The following MARCHF1 variants were observed in gnomAD, a reference collection of about 807,000 sequenced individuals.
MARCHF1 encodes membrane associated ring-CH-type finger 1.
A neutral mutation model predicts 54.2 loss-of-function variants in MARCHF1; 40 were observed. The observed-to-expected ratio is 0.74, with a 90% CI of 0.57 to 0.96. MARCHF1 has a LOEUF of 0.96. MARCHF1 is among the 40% of genes least tolerant of loss of function. The pLI is 0.00. For missense variants in MARCHF1, 586 were observed against 656.5 expected, an observed-to-expected ratio of 0.89 and a Z score of 1.17; for synonymous variants, 236 against 236.3, an observed-to-expected ratio of 1.00 and a Z score of 0.01.
chr4:164,181,527 T>G (rs909539498), intron 1 of MARCHF1, among the ~76,000 whole-genome samples: 3 of 152,282 alleles, frequency 2.0e-5, no homozygotes, highest in Admixed American at 6.5e-5. Context: ...AGTGGCATTC[T>G]AATAAAATTC....
At chr4:164,072,460 C>A (rs1175863074) in intron 2 of MARCHF1, among the ~76,000 whole-genome samples, 1 of 151,980 alleles carries the variant, frequency 6.6e-6, no homozygotes, top group Non-Finnish European at 1.5e-5. Flanking sequence ...ACTCAGGAGG[C>A]TGAGGCGGGA....
rs1579593005 is a variant in MARCHF1, at chr4:164,172,237, G to A, written c.-322-60575C>T. 3.3e-5 allele frequency among the ~76,000 whole-genome samples: 5 copies of A among 152,230 alleles called. No individual in the cohort carries two copies. The South Asian group carries it at 8.3e-4, about 25-fold the overall frequency. ...GTGAATGTGTTTAATAAAATAAAAT[G>A]AAAACCTATAAACAAATTAAATTCT... On this transcript the variant is annotated intron_variant, in intron 1 of 9. Transcript: ENST00000514618.
chr4:164,177,649 T>C (rs945273096), intron 1 of MARCHF1, among the ~76,000 whole-genome samples: 8 of 152,140 alleles, frequency 5.3e-5, no homozygotes, highest in African/African-American at 1.9e-4. Flanking sequence ...TTGATAGCAG[T>C]AAGTGACATA....
chr4:164,023,798 G>A (rs1753715443), intron 2 of MARCHF1, among the ~76,000 whole-genome samples: 1 of 152,118 alleles, frequency 6.6e-6, no homozygotes, highest in Non-Finnish European at 1.5e-5. Flanking sequence ...CTTATTGAGA[G>A]CCAAGAGAAA....
At chr4:164,176,972 C>CTA (rs1253065832) in intron 1 of MARCHF1, among the ~76,000 whole-genome samples, 8 of 56,824 alleles carry the variant, frequency 1.4e-4, no homozygotes, top group East Asian at 5.0e-4. Flanking sequence ...CTCTCTCTCT[C>CTA]TCTCTCTCTA....
intron 2 of MARCHF1, among the ~76,000 whole-genome samples, chr4:164,060,579 TA>T (rs1380728374): frequency 1.3e-5 from 2 of 152,100 alleles, no homozygotes; most frequent in African/African-American, 4.8e-5. Context: ...AATAATTGAA[TA>T]AAATAAGGAT....
chr4:163,561,037 G>C (rs1302727587), intron 8 of MARCHF1, among the ~76,000 whole-genome samples: 1 of 151,892 alleles, frequency 6.6e-6, no homozygotes, highest in East Asian at 1.9e-4. Flanking sequence ...GCACTGGCTA[G>C]AACCTTCAAT....
At chr4:164,000,841 GAATAGAAAC>G (rs888924043) in intron 2 of MARCHF1, among the ~76,000 whole-genome samples, 11 of 151,418 alleles carry the variant, frequency 7.3e-5, no homozygotes, top group African/African-American at 2.7e-4. Context: ...CTATTATATG[GAATAGAAAC>G]AATAGAAACA....
intron 1 of MARCHF1, among the ~76,000 whole-genome samples, chr4:164,309,451 T>C (rs112202582): frequency 2.6e-4 from 40 of 152,284 alleles, no homozygotes; most frequent in African/African-American, 8.9e-4. Context: ...GGAATATTGC[T>C]GGTCAAATGC....
At chr4:163,739,930 A>G (rs923645390) in intron 4 of MARCHF1, among the ~76,000 whole-genome samples, 1 of 152,218 alleles carries the variant, frequency 6.6e-6, no homozygotes, top group Non-Finnish European at 1.5e-5. Flanking sequence ...CATTCCACCC[A>G]TAAGTCAAAA....
intron 4 of MARCHF1, among the ~76,000 whole-genome samples, chr4:163,736,549 T>TGGGGGG (rs10539755): frequency 2.3e-5 from 3 of 132,416 alleles, no homozygotes; most frequent in Non-Finnish European, 3.2e-5. Flanking sequence ...AAGGGTTGGG[T>TGGGGGG]GGGGGGGGGG....
chr4:163,640,037 G>T (rs933663025), intron 5 of MARCHF1, among the ~76,000 whole-genome samples: 1 of 152,040 alleles, frequency 6.6e-6, no homozygotes, highest in Non-Finnish European at 1.5e-5. Context: ...TTGCAGAATA[G>T]GAATTGCATT....
intron 2 of MARCHF1, among the ~76,000 whole-genome samples, chr4:164,069,800 A>T (rs1188253242): frequency 6.6e-6 from 1 of 152,244 alleles, no homozygotes; most frequent in Non-Finnish European, 1.5e-5. Context: ...TTATCGAAAA[A>T]AGACACATGA....
chr4:164,154,292 A>G (rs1364782823), intron 1 of MARCHF1, among the ~76,000 whole-genome samples: 1 of 152,224 alleles, frequency 6.6e-6, no homozygotes, highest in Admixed American at 6.5e-5. Flanking sequence ...CCTAAGGTAG[A>G]ATTAGATCTT....
intron 2 of MARCHF1, among the ~76,000 whole-genome samples, chr4:164,100,188 T>C (rs1215218181): frequency 2.6e-5 from 4 of 151,844 alleles, no homozygotes; most frequent in African/African-American, 9.7e-5. Context: ...AACTACCTAG[T>C]ATAGAACATA....
intron 2 of MARCHF1, among the ~76,000 whole-genome samples, chr4:164,047,289 C>A (rs1413359469): frequency 6.6e-6 from 1 of 151,960 alleles, no homozygotes; most frequent in Non-Finnish European, 1.5e-5. Flanking sequence ...TTCAGTCTTA[C>A]AACCACATGG....
intron 1 of MARCHF1, among the ~76,000 whole-genome samples, chr4:164,172,622 A>T: frequency 6.6e-6 from 1 of 152,312 alleles, no homozygotes; most frequent in South Asian, 2.1e-4. Flanking sequence ...TCTTAAAGTA[A>T]TTTTAGGAAG....
At chr4:164,135,163 C>CACT (rs1179344108) in intron 1 of MARCHF1, among the ~76,000 whole-genome samples, 1 of 152,160 alleles carries the variant, frequency 6.6e-6, no homozygotes, top group Non-Finnish European at 1.5e-5. Flanking sequence ...ACTGGAGACA[C>CACT]ACTACGGTTC....
chr4:164,235,265 A>C lies in MARCHF1; in HGVS notation c.-322-123603T>G, dbSNP rs545579322. ...CTGTATCTCATATTTCAAATTCTAA[A>C]TGGCCCTAAATAACAAAAATATACA... On this transcript the variant is annotated intron_variant, in intron 1 of 9. Transcript: ENST00000514618. 2.6e-5 allele frequency among the ~76,000 whole-genome samples: 4 copies of C among 152,270 alleles called. No individual in the cohort carries two copies. In the South Asian group the frequency reaches 6.2e-4, roughly 24 times the overall value.
Sources: gnomAD v4.1 joint callset for allele counts (sites outside exome capture counted in the v4.1 genomes callset) on GRCh38, gnomAD v4.1.1 for gene constraint, MANE v1.5 for transcripts, NCBI Gene and HGNC (gene_info 2026-07-23, HGNC 2026-07-21) for gene names.